ELMO1: variants seen among roughly 807,000 people sequenced by gnomAD.
The protein encoded by ELMO1 is engulfment and cell motility 1, also known as engulfment and cell motility protein 1.
Under a neutral mutation model 98.9 loss-of-function variants are expected in ELMO1, and 26 were observed. The ratio of observed to expected loss-of-function variants is 0.26; its 90% confidence interval spans 0.19 to 0.36. ELMO1 has a LOEUF of 0.36. Among genes scored for constraint, ELMO1 ranks in the 10% least tolerant of loss-of-function variants. The probability of loss-of-function intolerance (pLI) is 1.00; values close to 1 mark genes in which losing one functional copy is unlikely to be tolerated. For synonymous variants in ELMO1, 346 were observed against 346.0 expected, an observed-to-expected ratio of 1.00 and a Z score of 0.00; for missense variants, 627 against 935.2, an observed-to-expected ratio of 0.67 and a Z score of 4.30.
intron 16 of ELMO1, among the ~76,000 whole-genome samples, chr7:37,003,321 G>C (rs2129164225): frequency 6.6e-6 from 1 of 152,304 alleles, no homozygotes. Flanking sequence ...CCAGGAGTTT[G>C]AGATGAGCAT....
At chr7:37,167,532 T>A (rs1490968007) in intron 13 of ELMO1, among the ~76,000 whole-genome samples, 1 of 149,582 alleles carries the variant, frequency 6.7e-6, no homozygotes, top group African/African-American at 2.4e-5. Context: ...AGGGCAGGCC[T>A]GGTGGTGACA....
At chr7:36,959,448 A>G (rs1788755745) in intron 16 of ELMO1, among the ~76,000 whole-genome samples, 1 of 152,158 alleles carries the variant, frequency 6.6e-6, no homozygotes, top group South Asian at 2.1e-4. Flanking sequence ...TCATAAAATA[A>G]TACCCCAAAG....
chr7:37,442,904 G>A (rs1291142477), intron 1 of ELMO1, among the ~76,000 whole-genome samples: 1 of 152,236 alleles, frequency 6.6e-6, no homozygotes, highest in African/African-American at 2.4e-5. Flanking sequence ...TCATGGTGCA[G>A]GAGAAAGAAA....
In ELMO1 at chr7:37,114,747, T is replaced by TA. The variant is rs200532646; in HGVS notation, c.1192-18021dup. ...TCTAAAGTAAGCTGAAGAAAAGAAG[T>TA]AAAAAAAAATAATGGAGTGGAAATC... On this transcript the variant is annotated intron_variant, in intron 14 of 21. Coordinates refer to ENST00000310758, the MANE Select transcript of ELMO1 (RefSeq NM_014800.11). Among the ~76,000 whole-genome samples, 1,146 of 149,368 alleles carry TA rather than the reference T, an allele frequency of 7.7e-3. 16 individuals carry two copies. The highest frequency in any genetic ancestry group is 0.026 in the African/African-American group (1,046 of 40,658).
intron 17 of ELMO1, 54 bp from the exon 18 acceptor site, chr7:36,887,726 C>G: frequency 6.4e-7 from 1 of 1,550,466 alleles, no homozygotes; most frequent in Non-Finnish European, 8.9e-7. Context: ...CAGAGTGTGG[C>G]TTGGTGGGCA....
chr7:37,332,068 C>T (rs1442927903), intron 2 of ELMO1, among the ~76,000 whole-genome samples: 1 of 152,152 alleles, frequency 6.6e-6, no homozygotes, highest in Non-Finnish European at 1.5e-5. Flanking sequence ...CTGATCAATC[C>T]AAACAGATCG....
chr7:36,858,885 A>G (rs1197672815), intron 21 of ELMO1, among the ~76,000 whole-genome samples: 1 of 152,218 alleles, frequency 6.6e-6, no homozygotes, highest in Non-Finnish European at 1.5e-5. Context: ...AGCCCAGGAT[A>G]CTCACATTTG....
intron 15 of ELMO1, among the ~76,000 whole-genome samples, chr7:37,095,082 G>A (rs1784303540): frequency 6.6e-6 from 1 of 152,148 alleles, no homozygotes; most frequent in Non-Finnish European, 1.5e-5. Context: ...AGCATAAACA[G>A]CCAAAGGTTG....
At chr7:37,004,538 C>T (rs1328107343) in intron 16 of ELMO1, among the ~76,000 whole-genome samples, 2 of 152,168 alleles carry the variant, frequency 1.3e-5, no homozygotes, top group Non-Finnish European at 2.9e-5. Context: ...CAAGTTAGCA[C>T]GTGCTACACA....
chr7:37,318,553 G>A (rs1799324634), intron 2 of ELMO1, among the ~76,000 whole-genome samples: 1 of 152,130 alleles, frequency 6.6e-6, no homozygotes, highest in Admixed American at 6.5e-5. Flanking sequence ...AAAAGACAGA[G>A]GTCTCTAGGG....
intron 15 of ELMO1, among the ~76,000 whole-genome samples, chr7:37,082,758 C>G (rs1429643536): frequency 6.6e-6 from 1 of 151,378 alleles, no homozygotes; most frequent in Non-Finnish European, 1.5e-5. Context: ...CAGAAAAGCC[C>G]ATTTTGCTTA....
chr7:37,375,372 A>C, intron 1 of ELMO1: 1 of 560,590 alleles, frequency 1.8e-6, no homozygotes. Flanking sequence ...GTTATCACTT[A>C]CCTATGCAGG....
chr7:37,267,972 T>C (rs1290035550), intron 5 of ELMO1, among the ~76,000 whole-genome samples: 3 of 152,222 alleles, frequency 2.0e-5, no homozygotes, highest in African/African-American at 4.8e-5. Flanking sequence ...TCTTTTTCTT[T>C]ATGGTTTCTG....
At chr7:37,309,956 G>C (rs551041951) in intron 4 of ELMO1, among the ~76,000 whole-genome samples, 42 of 152,344 alleles carry the variant, frequency 2.8e-4, no homozygotes, top group Admixed American at 1.9e-3. Context: ...CTGCAAAATA[G>C]TGGAATCATC....
At chr7:37,231,458 G>A (rs912247513) in intron 8 of ELMO1, among the ~76,000 whole-genome samples, 51 of 152,300 alleles carry the variant, frequency 3.3e-4, no homozygotes, top group African/African-American at 1.1e-3. Flanking sequence ...GATGCACTGA[G>A]GATGTGCCAT....
intron 8 of ELMO1, 133 bp from the exon 9 acceptor site, chr7:37,225,163 A>T: frequency 1.0e-6 from 1 of 990,928 alleles, no homozygotes; most frequent in Non-Finnish European, 1.5e-6. Flanking sequence ...GAATTACAGC[A>T]AAATAGCAAG....
At chr7:37,077,068 C>G (rs75726506) in intron 15 of ELMO1, among the ~76,000 whole-genome samples, 2 of 152,302 alleles carry the variant, frequency 1.3e-5, no homozygotes, top group East Asian at 3.9e-4. Flanking sequence ...CTAGCTGCCC[C>G]GCTCCAACCC....
rs3054300 is a variant in ELMO1 at position 37,284,776 on chromosome 7, G to GAAA, written c.193-12897_193-12895dup. On this transcript the variant is annotated intron_variant, in intron 4 of 21. Transcript: ENST00000310758. ...GATGTTTACTGCAAAACGGTTTAAA[G>GAAA]AAAAAAAAAAGCTAAAAGCAAGCCC... Among the ~76,000 whole-genome samples, 413 of 149,850 alleles carry GAAA rather than the reference G, an allele frequency of 2.8e-3. 1 individual carries two copies. Among genetic ancestry groups the GAAA allele is most frequent in the African/African-American group, 5.9e-3 (242 of 41,008 alleles).
intron 13 of ELMO1, among the ~76,000 whole-genome samples, chr7:37,167,103 T>C (rs1789762376): frequency 6.6e-6 from 1 of 152,194 alleles, no homozygotes; most frequent in Non-Finnish European, 1.5e-5. Flanking sequence ...TGGCCTTCTT[T>C]TTCTCTTTTG....
Sources: gnomAD v4.1 joint callset for allele counts (sites outside exome capture counted in the v4.1 genomes callset) on GRCh38, gnomAD v4.1.1 for gene constraint, MANE v1.5 for transcripts, NCBI Gene and HGNC (gene_info 2026-07-23, HGNC 2026-07-21) for gene names.